ZNF737: variants seen among roughly 807,000 people sequenced by gnomAD.
ZNF737 encodes zinc finger protein 102 (Y3).
In ZNF737, 13 loss-of-function variants were observed where a neutral mutation model predicts 11.7. The ratio of observed to expected loss-of-function variants is 1.11; its 90% CI spans 0.73 to 1.77. The LOEUF is 1.77. Ranked by LOEUF, ZNF737 falls within the 40% of genes most tolerant of loss-of-function variation. ZNF737 has a pLI of 0.00. For missense variants in ZNF737, 636 were observed against 638.0 expected, an observed-to-expected ratio of 1.00 and a Z score of 0.03; for synonymous variants, 217 against 216.2, an observed-to-expected ratio of 1.00 and a Z score of -0.03.
intron 1 of ZNF737, 39 bp from the exon 2 acceptor site, chr19:20,553,874 C>T: frequency 1.3e-6 from 2 of 1,595,128 alleles, no homozygotes; most frequent in East Asian, 4.5e-5. Context: ...ACCAAGTAGC[C>T]AAGGGTGGAA....
downstream of ZNF737, among the ~76,000 whole-genome samples, chr19:20,534,900 TAAC>T (rs1967920625): frequency 2.0e-5 from 3 of 150,240 alleles, 1 homozygote; most frequent in African/African-American, 4.9e-5. Context: ...CAAGTTATGT[TAAC>T]AATAAAGTAA....
chr19:20,555,114 C>T (rs1599426915), intron 1 of ZNF737, among the ~76,000 whole-genome samples: 2 of 151,974 alleles, frequency 1.3e-5, no homozygotes, highest in African/African-American at 4.8e-5. Flanking sequence ...CTGCCCACCT[C>T]GACCTTCCAA....
intron 1 of ZNF737, 111 bp downstream of exon 1, chr19:20,565,527 G>T: frequency 1.9e-6 from 3 of 1,562,724 alleles, no homozygotes; most frequent in Non-Finnish European, 1.8e-6. Context: ...AGAACTCAGG[G>T]TGCAGATTGT....
rs572786604 is a variant in ZNF737 at position 20,542,330 on chromosome 19, G to A, written c.*2262C>T. ...TGCAACCTCTGCCTCCCAGGTTCAA[G>A]TGTTTCTCCTGCCTCAGCCTCCTGA... On this transcript the variant is annotated 3_prime_UTR_variant, in exon 4 of 4. Coordinates refer to ENST00000427401, the MANE Select transcript of ZNF737 (RefSeq NM_001159293.2). The A allele has an allele frequency of 4.6e-6, 2 of 430,812 alleles. No individual in the cohort carries two copies. The highest frequency in any genetic ancestry group is 6.2e-6 in the Non-Finnish European group (2 of 323,788). The allele number at this position is 430,812 out of a possible 1,614,324, so 26.7% of individuals were successfully genotyped here. A position where few individuals can be genotyped will look rare whatever the true frequency, so the allele number is the denominator to read the frequency against.
At position 20,545,332 on chromosome 19, in the gene ZNF737, C is replaced by T; in HGVS notation, c.871G>A (p.Gly291Ser). Reference protein sequence around the residue: ...GEKPYKCEECGKAFKRSSILT... With the variant: ...GEKPYKCEECSKAFKRSSILT... ...ATAGAGGAGCGCTTAAAGGCCTTGC[C>T]ACATTCTTCACATTTGTAGGGTTTC... The change falls in exon 4 of 4, where the codon GGC (glycine) becomes AGC (serine). Residue 291 changes from glycine (G) to serine (S), a missense_variant. Physicochemically the swap from Gly to Ser is moderately conservative, Grantham distance 56. Coordinates refer to ENST00000427401, the MANE Select transcript of ZNF737 (RefSeq NM_001159293.2). 1 of 1,613,802 alleles carries T rather than the reference C, an allele frequency of 6.2e-7. No homozygotes were observed. The highest frequency in any genetic ancestry group is 1.1e-5 in the South Asian group (1 of 91,036).
Position 20,545,337 on chromosome 19 carries a change from T to G in ZNF737, c.866A>C (p.Glu289Ala). ...HTGEKPYKCE[E>A]CGKAFKRSSI... ...GGAGCGCTTAAAGGCCTTGCCACAT[T>G]CTTCACATTTGTAGGGTTTCTCTCC... Residue 289 changes from glutamate (E) to alanine (A), a missense_variant, in exon 4 of 4, where the codon GAA becomes GCA. Physicochemically the swap from Glu to Ala is moderately radical, Grantham distance 107. Coordinates refer to ENST00000427401, the MANE Select transcript of ZNF737 (RefSeq NM_001159293.2). 20 of 1,613,934 alleles carry G rather than the reference T, an allele frequency of 1.2e-5. No homozygotes were observed. Among genetic ancestry groups the G allele is most frequent in the Non-Finnish European group, 1.7e-5 (20 of 1,179,938 alleles).
intron 2 of ZNF737, among the ~76,000 whole-genome samples, 181 bp from the exon 3 acceptor site, chr19:20,552,751 C>T (rs782618179): frequency 3.0e-4 from 46 of 151,956 alleles, no homozygotes; most frequent in Admixed American, 5.9e-4. Context: ...CAGTTACTCA[C>T]GCCTGTAATC....
intron 1 of ZNF737, among the ~76,000 whole-genome samples, chr19:20,557,050 A>T (rs34351294): frequency 6.6e-6 from 1 of 152,082 alleles, no homozygotes; most frequent in Admixed American, 6.6e-5. Context: ...AGAGATAGAA[A>T]GAAAGAGGTT....
At chr19:20,536,173 A>G, downstream of ZNF737, 4 of 790,642 alleles carry the variant, frequency 5.1e-6, no homozygotes, top group African/African-American at 1.9e-5. Flanking sequence ...TAGCATATGC[A>G]TCAGTAACCC....
rs1473837037 is a variant in ZNF737 at position 20,542,866 on chromosome 19, T to C, written c.*1726A>G. ...GAATAGAAATAAAATAACAGCATAA[T>C]TTGAAAGCTGTATTACATCATTATT... On this transcript the variant is annotated 3_prime_UTR_variant, in exon 4 of 4. Coordinates refer to ENST00000427401, the MANE Select transcript of ZNF737 (RefSeq NM_001159293.2). The C allele has an allele frequency of 2.0e-6, 2 of 984,928 alleles. No homozygotes were observed. Among genetic ancestry groups the C allele is most frequent in the African/African-American group, 1.7e-5 (1 of 57,240 alleles). The allele number at this position is 984,928 out of a possible 1,614,324, so 61.0% of individuals were successfully genotyped here.
downstream of ZNF737, among the ~76,000 whole-genome samples, chr19:20,535,122 A>G (rs1195297882): frequency 1.3e-5 from 2 of 151,402 alleles, no homozygotes; most frequent in Non-Finnish European, 2.9e-5. Context: ...TACTAAAAAT[A>G]CAAAAATTAG....
At position 20,540,129 on chromosome 19, in the gene ZNF737, C is replaced by T. The variant is rs544177913; in HGVS notation, c.*4463G>A. ...AACATGGAGGAGGCAGAAATGATGG[C>T]AAGATACAAACATTTTTCCCGCCAT... On this transcript the variant is annotated 3_prime_UTR_variant, in exon 4 of 4. Coordinates refer to ENST00000427401, the MANE Select transcript of ZNF737 (RefSeq NM_001159293.2). 1,281 of 985,306 alleles carry T rather than the reference C, an allele frequency of 1.3e-3. 3 individuals carry two copies. Among genetic ancestry groups the T allele is most frequent in the Admixed American group, 1.8e-3 (30 of 16,272 alleles). The allele number at this position is 985,306 out of a possible 1,614,324, so 61.0% of individuals were successfully genotyped here.
rs1968092673 is a variant in ZNF737 at position 20,539,074 on chromosome 19, T to C, written c.*5518A>G. The C allele has an allele frequency of 1.2e-6, 1 of 814,208 alleles. No homozygotes were observed. Among genetic ancestry groups the C allele is most frequent in the African/African-American group, 1.9e-5 (1 of 53,736 alleles). 50.4% of individuals were successfully genotyped at this position (814,208 alleles called of 1,614,324 possible). A position where few individuals can be genotyped will look rare whatever the true frequency, so the allele number is the denominator to read the frequency against. ...ACTCTGGGAGGCTGAGGTGGATGGATCACCTGAGGTCAGGAGTTCAAGACA... is the reference window on the plus strand; with the variant it reads ...ACTCTGGGAGGCTGAGGTGGATGGACCACCTGAGGTCAGGAGTTCAAGACA... On this transcript the variant is annotated 3_prime_UTR_variant, in exon 4 of 4. Coordinates refer to ENST00000427401, the MANE Select transcript of ZNF737 (RefSeq NM_001159293.2).
At chr19:20,551,984 C>T (rs1968692945) in intron 3 of ZNF737, among the ~76,000 whole-genome samples, 1 of 137,364 alleles carries the variant, frequency 7.3e-6, no homozygotes, top group Admixed American at 7.2e-5. Flanking sequence ...AAGAACAAAG[C>T]AGAAGGATAT....
downstream of ZNF737, among the ~76,000 whole-genome samples, chr19:20,536,842 T>A (rs887298182): frequency 2.1e-4 from 32 of 149,782 alleles, no homozygotes; most frequent in African/African-American, 6.7e-4. Flanking sequence ...ACGCAGGAGG[T>A]TGAGGCAGGA....
chr19:20,548,961 TG>T (rs1418774104), intron 3 of ZNF737, among the ~76,000 whole-genome samples: 37 of 18,638 alleles, frequency 2.0e-3, no homozygotes, highest in East Asian at 0.016. Context: ...AAAGAAAAAC[TG>T]AAAAAAAAAA....
At chr19:20,563,738 G>A (rs1251600085) in intron 1 of ZNF737, among the ~76,000 whole-genome samples, 2 of 151,918 alleles carry the variant, frequency 1.3e-5, no homozygotes, top group Non-Finnish European at 2.9e-5. Flanking sequence ...CACTCACCTC[G>A]GCCTCCCAAA....
In ZNF737 at chr19:20,540,480, G is replaced by C. The variant is rs879999891; in HGVS notation, c.*4112C>G. ...AAATAAATGTTTAAAATCATCTTTT[G>C]CTGGGCACGGTGGCTCATGATTCTA... On this transcript the variant is annotated 3_prime_UTR_variant, in exon 4 of 4. Transcript: ENST00000427401. 2.6e-5 allele frequency among the ~76,000 whole-genome samples: 4 copies of C among 152,120 alleles called. No individual in the cohort carries two copies. The highest frequency in any genetic ancestry group is 5.9e-5 in the Non-Finnish European group (4 of 68,022).
At chr19:20,533,607 C>G (rs1207912575), downstream of ZNF737, among the ~76,000 whole-genome samples, 5 of 150,146 alleles carry the variant, frequency 3.3e-5, no homozygotes, top group Non-Finnish European at 5.9e-5. Context: ...CAGAATAAAA[C>G]ATAGCCATAC....
Sources: gnomAD v4.1 joint callset for allele counts (sites outside exome capture counted in the v4.1 genomes callset) on GRCh38, gnomAD v4.1.1 for gene constraint, MANE v1.5 for transcripts, NCBI Gene and HGNC (gene_info 2026-07-23, HGNC 2026-07-21) for gene names.